C1QTNF3: variants seen among roughly 807,000 people sequenced by gnomAD.
The protein encoded by C1QTNF3 is complement C1q tumor necrosis factor-related protein 3.
Under a neutral mutation model 32.6 loss-of-function variants are expected in C1QTNF3, and 26 were observed. That is an observed-to-expected ratio of 0.80 (90% confidence interval 0.58 to 1.11). The LOEUF (loss-of-function observed/expected upper bound fraction) is 1.11, where lower values mean the gene tolerates loss of function less well. Ranked by LOEUF, C1QTNF3 falls within the 50% of genes least tolerant of loss-of-function variation. C1QTNF3 has a pLI of 0.00. For missense variants in C1QTNF3, 362 were observed against 398.2 expected (o/e 0.91, Z 0.77); for synonymous variants, 155 against 146.0 (o/e 1.06, Z -0.44).
chr5:34,035,108 G>A lies in C1QTNF3; in HGVS notation c.415+539C>T, dbSNP rs540310889. Among the ~76,000 whole-genome samples the A allele has an allele frequency of 3.5e-4, 54 of 152,252 alleles. 1 individual carries two copies. The Middle Eastern group carries it at 0.017, about 48-fold the overall frequency. ...ACTGACCCAGGGTACCAGCAGGCCC[G>A]CGGCACTCTCCTATGCCTGGTGGCA... is the stretch of plus-strand genomic sequence containing the variant. On this transcript the variant is annotated intron_variant, in intron 2 of 5. Coordinates refer to ENST00000382065, the MANE Select transcript of C1QTNF3 (RefSeq NM_181435.6).
chr5:34,230,954 T>C, the C1QTNF3 span, among the ~76,000 whole-genome samples: 1 of 144,402 alleles, frequency 6.9e-6, no homozygotes, highest in African/African-American at 2.5e-5. Context: ...ATCAACTTTT[T>C]TTGCAATTTC....
chr5:34,052,336 A>G, the C1QTNF3 span, among the ~76,000 whole-genome samples: 1 of 152,202 alleles, frequency 6.6e-6, no homozygotes, highest in African/African-American at 2.4e-5. Flanking sequence ...ATTTATATTT[A>G]TCTATTGTAT....
chr5:34,036,058 T>C (rs1754729385), intron 1 of C1QTNF3, among the ~76,000 whole-genome samples: 1 of 152,222 alleles, frequency 6.6e-6, no homozygotes. Context: ...CTGCTGCTAC[T>C]GTAACAGCAA....
the C1QTNF3 span, among the ~76,000 whole-genome samples, chr5:34,081,735 G>A: frequency 6.6e-5 from 10 of 151,318 alleles, no homozygotes; most frequent in Non-Finnish European, 1.2e-4. Flanking sequence ...CAGTTTTTCC[G>A]GATTTAATTG....
the C1QTNF3 span, among the ~76,000 whole-genome samples, chr5:34,049,477 T>A: frequency 6.6e-6 from 1 of 152,198 alleles, no homozygotes; most frequent in Non-Finnish European, 1.5e-5. Flanking sequence ...TGAAGAAGCC[T>A]GAAGCAGAGG....
chr5:34,200,808 C>T, the C1QTNF3 span: 1 of 152,124 alleles, frequency 6.6e-6, no homozygotes, highest in Admixed American at 6.5e-5. Context: ...TCTATACTTG[C>T]AATTTTGTCT....
At chr5:34,121,252 TATA>T in the C1QTNF3 span, among the ~76,000 whole-genome samples, 1 of 152,220 alleles carries the variant, frequency 6.6e-6, no homozygotes, top group Non-Finnish European at 1.5e-5. Context: ...GGGCAACTGT[TATA>T]ATAACAAAGT....
the C1QTNF3 span, among the ~76,000 whole-genome samples, chr5:34,205,665 T>A: frequency 2.0e-5 from 3 of 151,758 alleles, no homozygotes; most frequent in Non-Finnish European, 4.4e-5. Context: ...CTTTTCTTTA[T>A]AAATTACCTA....
chr5:34,212,799 T>C, the C1QTNF3 span, among the ~76,000 whole-genome samples: 1 of 150,064 alleles, frequency 6.7e-6, no homozygotes, highest in Non-Finnish European at 1.5e-5. Context: ...ACTTTTACAC[T>C]GTTGGTGGGA....
At chr5:34,150,457 G>A in the C1QTNF3 span, among the ~76,000 whole-genome samples, 1 of 71,650 alleles carries the variant, frequency 1.4e-5, no homozygotes, top group Admixed American at 1.3e-4. Flanking sequence ...TGGAAGTAAA[G>A]CTCTCCTCAG....
At chr5:34,039,631 C>T (rs1014673260) in intron 1 of C1QTNF3, among the ~76,000 whole-genome samples, 5 of 152,148 alleles carry the variant, frequency 3.3e-5, no homozygotes, top group Non-Finnish European at 5.9e-5. Flanking sequence ...CATCCCCATG[C>T]GGTATGTGTG....
chr5:34,137,661 T>C, the C1QTNF3 span, among the ~76,000 whole-genome samples: 123 of 152,370 alleles, frequency 8.1e-4, no homozygotes, highest in Non-Finnish European at 1.6e-3. Flanking sequence ...AATTCATGTG[T>C]TCAGATATAC....
At chr5:34,059,832 T>C in the C1QTNF3 span, among the ~76,000 whole-genome samples, 1 of 152,132 alleles carries the variant, frequency 6.6e-6, no homozygotes, top group Non-Finnish European at 1.5e-5. Flanking sequence ...CCCATAACAA[T>C]AGCTATGACC....
the C1QTNF3 span, among the ~76,000 whole-genome samples, chr5:34,223,364 G>A: frequency 1.3e-5 from 2 of 149,044 alleles, no homozygotes; most frequent in Admixed American, 1.3e-4. Flanking sequence ...ATTTTTTATG[G>A]CTGCATAGTA....
the C1QTNF3 span, among the ~76,000 whole-genome samples, chr5:34,242,108 C>G: frequency 1.3e-5 from 2 of 151,998 alleles, no homozygotes; most frequent in Non-Finnish European, 2.9e-5. Flanking sequence ...TTTGTAGATT[C>G]AAGGCTATCT....
upstream of C1QTNF3, among the ~76,000 whole-genome samples, chr5:34,046,127 G>A (rs1754981999): frequency 6.6e-6 from 1 of 152,166 alleles, no homozygotes. Flanking sequence ...TGACTCAGAA[G>A]CTTTCCAATG....
the C1QTNF3 span, among the ~76,000 whole-genome samples, chr5:34,136,217 A>G: frequency 2.6e-5 from 4 of 152,282 alleles, no homozygotes; most frequent in African/African-American, 9.6e-5. Flanking sequence ...CAGGTAACCT[A>G]CAGAATGGGA....
intron 3 of C1QTNF3, chr5:34,029,084 G>A (rs1754547384): frequency 2.7e-6 from 1 of 372,450 alleles, no homozygotes; most frequent in African/African-American, 2.1e-5. Context: ...TCTATCAACA[G>A]TTCTGAACAT....
chr5:34,028,655 TCC>T (rs1754536354), intron 4 of C1QTNF3, 97 bp downstream of exon 4: 1 of 1,055,292 alleles, frequency 9.5e-7, no homozygotes, highest in Non-Finnish European at 1.3e-6. Context: ...TTTCTCTCCC[TCC>T]CTTTCTCCGT....
Sources: allele counts gnomAD v4.1 joint callset (sites outside exome capture counted in the v4.1 genomes callset), GRCh38; gene constraint gnomAD v4.1.1; transcripts MANE v1.5; gene names NCBI Gene and HGNC (gene_info 2026-07-23, HGNC 2026-07-21).